Variants in MNS1 observed in about 807,000 individuals in gnomAD.
The protein encoded by MNS1 is meiosis specific nuclear structural 1.
In MNS1, 63 loss-of-function variants were observed where a neutral mutation model predicts 72.0. The observed-to-expected ratio is 0.87, with a 90% confidence interval of 0.71 to 1.08. MNS1 has a LOEUF of 1.08. Among genes scored for constraint, MNS1 ranks in the 50% least tolerant of loss-of-function variants. The pLI, the probability that MNS1 is intolerant of heterozygous loss-of-function variation, is 0.00. For synonymous variants in MNS1, 188 were observed against 172.1 expected, an observed-to-expected ratio of 1.09 and a Z score of -0.72; for missense variants, 604 against 562.4, an observed-to-expected ratio of 1.07 and a Z score of -0.75.
chr15:56,431,496 T>C lies in MNS1; in HGVS notation c.1272A>G (p.Gln424=), dbSNP rs764543344. The change falls in exon 9 of 10, where the codon CAA becomes CAG. Residue 424 remains glutamine, a splice_region_variant and synonymous_variant. Coordinates refer to ENST00000260453, the MANE Select transcript of MNS1 (RefSeq NM_018365.4). The part of the protein sequence containing the change: ...ERRQQFLADK[Q]RELEEWQLQQ... The stretch of plus-strand genomic sequence containing the variant: ...GCAACTGCCACTCTTCTAGTTCACG[T>C]TGCTGGAAATGCAGATCAAATTTTG... The C allele has an allele frequency of 1.9e-6, 3 of 1,613,622 alleles. No individual in the cohort carries two copies. Among genetic ancestry groups the C allele is most frequent in the South Asian group, 2.2e-5 (2 of 91,032 alleles).
intron 9 of MNS1, 197 bp from the exon 10 acceptor site, chr15:56,429,390 AC>A: frequency 2.3e-6 from 1 of 443,504 alleles, no homozygotes; most frequent in South Asian, 3.1e-5. Flanking sequence ...TCCTAGACTG[AC>A]CCAATTTTCT....
chr15:56,431,022 G>A (rs1418857262), intron 9 of MNS1, among the ~76,000 whole-genome samples: 1 of 152,156 alleles, frequency 6.6e-6, no homozygotes, highest in Non-Finnish European at 1.5e-5. Flanking sequence ...TTAGCTGGGT[G>A]TGGTGGCAAA....
At chr15:56,449,605 G>A (rs74660542) in intron 3 of MNS1, among the ~76,000 whole-genome samples, 5 of 152,034 alleles carry the variant, frequency 3.3e-5, no homozygotes, top group African/African-American at 7.2e-5. Flanking sequence ...AATTGGGAAG[G>A]GCTTCCTCTT....
At position 56,444,557 on chromosome 15, in the gene MNS1, T is replaced by C. The variant is rs1448483269; in HGVS notation, c.573A>G (p.Leu191=). ...TTTCTTGTTCTTCAAGTTGTTTCTC[T>C]AAGTCAAGATAGTACTGTGCTTTCG... ...NKAKAQYYLD[L]EKQLEEQEKK... The change falls in exon 5 of 10, where the codon TTA becomes TTG. Residue 191 remains leucine (L), a synonymous_variant. Transcript: ENST00000260453. 6.2e-7 allele frequency: 1 copy of C among 1,613,076 alleles called. No homozygotes were observed. The highest frequency in any genetic ancestry group is 1.1e-5 in the South Asian group (1 of 91,004).
rs567555276 is a variant in MNS1 at position 56,443,500 on chromosome 15, T to C, written c.941A>G (p.Glu314Gly). The C allele has an allele frequency of 3.1e-5, 50 of 1,601,416 alleles. No individual in the cohort carries two copies. Among genetic ancestry groups the C allele is most frequent in the South Asian group, 3.0e-4 (26 of 86,820 alleles). Residue 314 changes from glutamate (E) to glycine (G), a missense_variant, in exon 7 of 10, where the codon GAA becomes GGA. Glu to Gly is a moderately conservative substitution (Grantham distance 98). Transcript: ENST00000260453. ...TTCTTGTCGCACTTGTTCCAAATCTTCACGTTGCCGCAGCATTTCTTCTAA... is the reference window on the plus strand; with the variant it reads ...TTCTTGTCGCACTTGTTCCAAATCTCCACGTTGCCGCAGCATTTCTTCTAA... ...QKLEEMLRQR[E>G]DLEQVRQELY... is the part of the protein sequence containing the mutation.
chr15:56,443,744 T>C lies in MNS1; in HGVS notation c.797A>G (p.Glu266Gly). ...RKKKREEMEE[E>G]NRKIIEFANM... The stretch of plus-strand genomic sequence containing the variant: ...AGCAAACTCTATGATTTTTCTGTTT[T>C]CTTCTTCCATCTCCTCACGTTTCTT... Residue 266 changes from glutamate (E) to glycine (G), a missense_variant, in exon 6 of 10, where the codon GAA becomes GGA. Glu to Gly is a moderately conservative substitution (Grantham distance 98). Coordinates refer to ENST00000260453, the MANE Select transcript of MNS1 (RefSeq NM_018365.4). The C allele has an allele frequency of 6.2e-7, 1 of 1,613,396 alleles. No homozygotes were observed. Among genetic ancestry groups the C allele is most frequent in the Non-Finnish European group, 8.5e-7 (1 of 1,179,768 alleles).
chr15:56,449,246 G>A (rs755273860), intron 3 of MNS1, among the ~76,000 whole-genome samples: 6 of 151,652 alleles, frequency 4.0e-5, no homozygotes, highest in Non-Finnish European at 8.8e-5. Context: ...CTCAGTGTCA[G>A]AGGGGAAGTG....
At chr15:56,443,985 T>A in intron 5 of MNS1, 131 bp from the exon 6 acceptor site, 1 of 713,254 alleles carries the variant, frequency 1.4e-6, no homozygotes, top group Admixed American at 3.3e-5. Context: ...ACATTTTGAA[T>A]GCTTACTGTG....
chr15:56,449,273 T>G (rs2140367654), intron 3 of MNS1, among the ~76,000 whole-genome samples: 1 of 147,498 alleles, frequency 6.8e-6, no homozygotes, highest in Middle Eastern at 3.5e-3. Flanking sequence ...ATTTTGCTAT[T>G]AAGGATAATG....
chr15:56,465,078 G>C lies in MNS1; in HGVS notation c.-106C>G, dbSNP rs377509294. ...GGAGCGCACCTGGCTGCGCGCGCTC[G>C]GGTGTTTACGCGGCGTCTTGGCAAC... On this transcript the variant is annotated 5_prime_UTR_variant, in exon 1 of 10. Transcript: ENST00000260453. The C allele has an allele frequency of 1.5e-4, 226 of 1,485,954 alleles. No individual in the cohort carries two copies. The Middle Eastern group carries it at 2.1e-3, about 14-fold the overall frequency. 92.0% of individuals were successfully genotyped at this position (1,485,954 alleles called of 1,614,324 possible). A position where few individuals can be genotyped will look rare whatever the true frequency, so the allele number is the denominator to read the frequency against.
chr15:56,446,718 T>G (rs1031053597), intron 4 of MNS1, 123 bp downstream of exon 4: 10 of 679,740 alleles, frequency 1.5e-5, no homozygotes, highest in Non-Finnish European at 2.4e-5. Context: ...TCTGAAAATT[T>G]ACAAATATTT....
rs186042803 is a variant in MNS1, at chr15:56,451,754, G to A, written c.353+4640C>T. On this transcript the variant is annotated intron_variant, in intron 3 of 9. Coordinates refer to ENST00000260453, the MANE Select transcript of MNS1 (RefSeq NM_018365.4). ...TGGGATGCATCCCAATAAACCTGTC[G>A]TAAATTGAAAATGTAGTTTATTGGG... Among the ~76,000 whole-genome samples the A allele has an allele frequency of 2.0e-3, 305 of 152,162 alleles. 5 individuals carry two copies. Among genetic ancestry groups the A allele is most frequent in the African/African-American group, 6.9e-3 (288 of 41,532 alleles).
intron 7 of MNS1, among the ~76,000 whole-genome samples, chr15:56,437,095 T>G (rs2050738872): frequency 6.6e-6 from 1 of 152,184 alleles, no homozygotes; most frequent in Non-Finnish European, 1.5e-5. Context: ...CCTCCCTAAC[T>G]CATTTTATGA....
chr15:56,433,723 G>GT (rs1443956303), intron 8 of MNS1, among the ~76,000 whole-genome samples: 6 of 152,102 alleles, frequency 3.9e-5, no homozygotes, highest in African/African-American at 1.4e-4. Flanking sequence ...TCAATCTTCA[G>GT]TGGCTTCCCT....
intron 3 of MNS1, chr15:56,447,363 T>A (rs1251023242): frequency 6.4e-6 from 1 of 155,098 alleles, no homozygotes; most frequent in African/African-American, 2.4e-5. Flanking sequence ...GCTGTGATAG[T>A]ACTGAATTCA....
chr15:56,430,613 G>A (rs527959938), intron 9 of MNS1, among the ~76,000 whole-genome samples: 1 of 152,296 alleles, frequency 6.6e-6, no homozygotes, highest in Admixed American at 6.5e-5. Flanking sequence ...TCCTACTGTA[G>A]AGCAGATCTG....
In MNS1 at chr15:56,444,472, C is replaced by T. The variant is rs779684459; in HGVS notation, c.658G>A (p.Val220Ile). ...LKEKLMIDEI[V>I]RKIYEEDQLE... is the part of the protein sequence containing the mutation. ...TGATCTTCTTCATAGATCTTCCTAACAATTTCATCAATCATGAGTTTCTCT... is the reference window on the plus strand; with the variant it reads ...TGATCTTCTTCATAGATCTTCCTAATAATTTCATCAATCATGAGTTTCTCT... Residue 220 changes from valine to isoleucine, a missense_variant, in exon 5 of 10, where the codon GTT becomes ATT. Transcript: ENST00000260453. 14 of 1,607,090 alleles carry T rather than the reference C, an allele frequency of 8.7e-6. No homozygotes were observed. The highest frequency in any genetic ancestry group is 1.0e-5 in the Non-Finnish European group (12 of 1,178,334).
At position 56,452,580 on chromosome 15, in the gene MNS1, G is replaced by A. The variant is rs547558821; in HGVS notation, c.353+3814C>T. On this transcript the variant is annotated intron_variant, in intron 3 of 9. Coordinates refer to ENST00000260453, the MANE Select transcript of MNS1 (RefSeq NM_018365.4). ...GTCGCCCAGGCTGGAGTGCAGTGGC[G>A]CGATCTTGGCTCACTGCAAGCTCCG... Among the ~76,000 whole-genome samples the A allele has an allele frequency of 2.1e-3, 318 of 150,074 alleles. 1 individual carries two copies. The highest frequency in any genetic ancestry group is 3.6e-3 in the Non-Finnish European group (247 of 67,704).
At chr15:56,438,509 A>G (rs1596257790) in intron 7 of MNS1, among the ~76,000 whole-genome samples, 1 of 152,156 alleles carries the variant, frequency 6.6e-6, no homozygotes, top group Non-Finnish European at 1.5e-5. Context: ...TGGATTAAAG[A>G]CTTACATGTT....
Sources: allele counts gnomAD v4.1 joint callset (sites outside exome capture counted in the v4.1 genomes callset), GRCh38; gene constraint gnomAD v4.1.1; transcripts MANE v1.5; gene names NCBI Gene and HGNC (gene_info 2026-07-23, HGNC 2026-07-21).